The following CTBP2 variants were observed in gnomAD, a reference collection of about 807,000 sequenced individuals.
The protein encoded by CTBP2 is C-terminal-binding protein 2.
CTBP2 carries 30 observed loss-of-function variants against 80.3 expected under a neutral mutation model. The observed-to-expected ratio is 0.37, with a 90% CI of 0.28 to 0.51. The LOEUF is 0.51. Among genes scored for constraint, CTBP2 ranks in the 20% least tolerant of loss-of-function variants. The pLI, the probability that CTBP2 is intolerant of heterozygous loss-of-function variation, is 0.93. For missense variants in CTBP2, 1,212 were observed against 1,375.3 expected (o/e 0.88, Z 1.88); for synonymous variants, 594 against 587.4 (o/e 1.01, Z -0.16).
chr10:125,022,920 C>T lies in CTBP2; in HGVS notation c.1678+3162G>A, dbSNP rs138491499. Among the ~76,000 whole-genome samples, 671 of 152,306 alleles carry T rather than the reference C, an allele frequency of 4.4e-3. 6 individuals are homozygous for T. The highest frequency in any genetic ancestry group is 0.015 in the African/African-American group (638 of 41,566). On this transcript the variant is annotated intron_variant, in intron 1 of 8. Transcript: ENST00000309035. Reference sequence around the variant, plus strand: ...AGGACTCAGCAGCAGGGGTGTGGGCCGATGGCGGCGACCCTCTATACAGAT... The same window carrying T: ...AGGACTCAGCAGCAGGGGTGTGGGCTGATGGCGGCGACCCTCTATACAGAT...
chr10:125,028,665 T>C (rs561351694), upstream of CTBP2, among the ~76,000 whole-genome samples: 29 of 152,216 alleles, frequency 1.9e-4, no homozygotes, highest in Non-Finnish European at 3.5e-4. Flanking sequence ...AGGGCGTGTG[T>C]AATCTGGGAT....
intron 2 of CTBP2, among the ~76,000 whole-genome samples, chr10:125,070,224 G>A (rs1845257706): frequency 6.6e-6 from 1 of 152,106 alleles, no homozygotes; most frequent in African/African-American, 2.4e-5. Flanking sequence ...GGTGGCACGT[G>A]CCTGCAGGCC....
chr10:125,115,164 C>A (rs1453831303), intron 1 of CTBP2, among the ~76,000 whole-genome samples: 1 of 140,834 alleles, frequency 7.1e-6, no homozygotes, highest in Non-Finnish European at 1.5e-5. Context: ...TTCAGCTCAG[C>A]GTGGGCATAT....
chr10:125,005,456 C>T (rs570982932), intron 1 of CTBP2: 1 of 1,308,234 alleles, frequency 7.6e-7, no homozygotes, highest in Admixed American at 2.2e-5. Context: ...CCGCATGGAT[C>T]CGCACTCCAA....
rs552043281 is a variant in CTBP2 at position 125,063,225 on chromosome 10, G to A, written c.-101-24070C>T. On this transcript the variant is annotated intron_variant, in intron 2 of 10. Coordinates refer to the CTBP2 transcript ENST00000337195. ...CGAAGCAATCTGGAAAGCTAATTAC[G>A]TGTTACTCTGCGCACATCTTCATCT... Among the ~76,000 whole-genome samples the A allele has an allele frequency of 2.8e-4, 42 of 152,306 alleles. No individual in the cohort carries two copies. The South Asian group carries it at 7.2e-3, about 26-fold the overall frequency.
At chr10:125,014,600 C>T (rs917156599) in intron 1 of CTBP2, among the ~76,000 whole-genome samples, 9 of 152,272 alleles carry the variant, frequency 5.9e-5, no homozygotes, top group Non-Finnish European at 1.3e-4. Flanking sequence ...TGGCGGCCTC[C>T]TGGCAAATGG....
chr10:125,052,037 T>C (rs1287376856), intron 2 of CTBP2, among the ~76,000 whole-genome samples: 1 of 152,180 alleles, frequency 6.6e-6, no homozygotes, highest in Non-Finnish European at 1.5e-5. Context: ...AACACATCTC[T>C]GTCCTGGCCT....
At chr10:125,102,368 G>C (rs939610638) in intron 2 of CTBP2, among the ~76,000 whole-genome samples, 5 of 152,236 alleles carry the variant, frequency 3.3e-5, no homozygotes, top group African/African-American at 4.8e-5. Flanking sequence ...CCTGGAGGGA[G>C]TGACTGTTAT....
At chr10:125,001,718 G>A (rs1954533559) in intron 3 of CTBP2, among the ~76,000 whole-genome samples, 1 of 152,180 alleles carries the variant, frequency 6.6e-6, no homozygotes, top group Admixed American at 6.5e-5. Context: ...CCCTGTGAGT[G>A]TACGGGCAGC....
intron 2 of CTBP2, among the ~76,000 whole-genome samples, chr10:125,090,605 G>C (rs1237900525): frequency 3.3e-5 from 5 of 151,944 alleles, no homozygotes. Flanking sequence ...TCTACCAAAA[G>C]TTTAAAGATT....
At chr10:125,005,859 A>C in intron 1 of CTBP2, 6 of 1,570,384 alleles carry the variant, frequency 3.8e-6, no homozygotes, top group South Asian at 2.4e-5. Flanking sequence ...CTTCACTTTC[A>C]GGGGTGCTGG....
intron 1 of CTBP2, among the ~76,000 whole-genome samples, chr10:125,005,169 C>T (rs780874609): frequency 1.3e-5 from 2 of 152,216 alleles, no homozygotes; most frequent in Non-Finnish European, 2.9e-5. Context: ...AGGCCGTGCT[C>T]GGCCAGTGGG....
Position 125,027,649 on chromosome 10 carries a change from C to T in CTBP2, c.111G>A (p.Arg37=), listed in dbSNP as rs757660428. ...CTGTGCCATACGTCAGGGAGCTTCT[C>T]CTCCCCAGAGGCCGCAGGGACTCGG... The change falls in exon 1 of 9, where the codon AGG becomes AGA. Residue 37 remains arginine, a synonymous_variant. Coordinates refer to ENST00000309035, the MANE Select transcript of CTBP2 (RefSeq NM_022802.3). 1.1e-5 allele frequency: 17 copies of T among 1,613,988 alleles called. No homozygotes were observed. The highest frequency in any genetic ancestry group is 3.3e-4 in the Middle Eastern group (2 of 6,084).
chr10:125,002,327 C>T (rs555874308), intron 3 of CTBP2, among the ~76,000 whole-genome samples: 50 of 152,312 alleles, frequency 3.3e-4, no homozygotes, highest in Non-Finnish European at 5.3e-4. Context: ...GGCAGAGGCC[C>T]CCCTCAACAT....
At chr10:124,994,378 A>G in intron 5 of CTBP2, 91 bp downstream of exon 7, 1 of 1,283,246 alleles carries the variant, frequency 7.8e-7, no homozygotes, top group South Asian at 1.3e-5. Context: ...TCCAGAAACC[A>G]CCTCCGTTGC....
chr10:125,131,736 G>A (rs1244787244), intron 1 of CTBP2, among the ~76,000 whole-genome samples: 1 of 152,190 alleles, frequency 6.6e-6, no homozygotes, highest in African/African-American at 2.4e-5. Context: ...TCCACAGAGT[G>A]ATTCAGGCAC....
chr10:125,023,581 G>A (rs558963075), intron 1 of CTBP2, among the ~76,000 whole-genome samples: 7 of 152,238 alleles, frequency 4.6e-5, no homozygotes, highest in African/African-American at 1.4e-4. Flanking sequence ...TGCCACTCAC[G>A]CGGGCCTGGA....
At chr10:125,115,489 T>C (rs1427200554) in intron 1 of CTBP2, among the ~76,000 whole-genome samples, 1 of 152,148 alleles carries the variant, frequency 6.6e-6, no homozygotes, top group Non-Finnish European at 1.5e-5. Context: ...AGAAGTAGTA[T>C]CCTGCCTGTG....
intron 1 of CTBP2, among the ~76,000 whole-genome samples, chr10:125,004,537 A>G (rs140719841): frequency 2.6e-5 from 4 of 152,100 alleles, no homozygotes; most frequent in South Asian, 2.1e-4. Context: ...CAAGACCCAC[A>G]CCCTGGACAC....
Sources: allele counts gnomAD v4.1 joint callset (sites outside exome capture counted in the v4.1 genomes callset), GRCh38; gene constraint gnomAD v4.1.1; transcripts MANE v1.5; gene names NCBI Gene and HGNC (gene_info 2026-07-23, HGNC 2026-07-21).